The following STXBP2 variants were observed in gnomAD, a reference collection of about 807,000 sequenced individuals.
STXBP2 encodes syntaxin-binding protein 2.
STXBP2 carries 47 observed loss-of-function variants against 72.2 expected under a neutral mutation model. That is an observed-to-expected ratio of 0.65 (90% CI 0.51 to 0.83). The LOEUF (loss-of-function observed/expected upper bound fraction) is 0.83, where lower values mean the gene tolerates loss of function less well. STXBP2 is among the 40% of genes least tolerant of loss of function. The pLI is 0.00. For missense variants in STXBP2, 702 were observed against 807.6 expected, an observed-to-expected ratio of 0.87 and a Z score of 1.58; for synonymous variants, 367 against 338.7, an observed-to-expected ratio of 1.08 and a Z score of -0.92.
Position 7,646,392 on chromosome 19 carries a change from G to C in STXBP2, c.1452+48G>C, listed in dbSNP as rs1599406757. 4.6e-6 allele frequency: 7 copies of C among 1,527,702 alleles called. No individual in the cohort carries two copies. The East Asian group carries it at 1.6e-4, about 36-fold the overall frequency. 94.6% of individuals were successfully genotyped at this position (1,527,702 alleles called of 1,614,324 possible). On this transcript the variant is annotated intron_variant, in intron 16 of 18. Coordinates refer to ENST00000221283, the MANE Select transcript of STXBP2 (RefSeq NM_006949.4). The stretch of plus-strand genomic sequence containing the variant: ...GGGGGCCAGCCCTCCGCATCGGCTG[G>C]CGGCTCAGCCTCCCTCCTGCTGAGG...
chr19:7,643,303 G>A, intron 13 of STXBP2, 58 bp downstream of exon 13: 1 of 1,549,360 alleles, frequency 6.5e-7, no homozygotes, highest in Non-Finnish European at 8.8e-7. Context: ...GGGTATTGGG[G>A]AGGGGCTGAA....
At chr19:7,630,974 T>A in the STXBP2 span, 3 of 1,218,066 alleles carry the variant, frequency 2.5e-6, no homozygotes, top group Non-Finnish European at 3.5e-6. Context: ...CATGGGAGGC[T>A]GAGGTGGGTA....
In STXBP2 at chr19:7,645,949, GTCTC is replaced by G. The variant is rs1314696439; in HGVS notation, c.1357-294_1357-291del. 1.2e-5 allele frequency: 6 copies of G among 494,054 alleles called. No homozygotes were observed. The East Asian group carries it at 2.1e-4, about 17-fold the overall frequency. The allele number at this position is 494,054 out of a possible 1,614,324, so 30.6% of individuals were successfully genotyped here. A position where few individuals can be genotyped will look rare whatever the true frequency, so the allele number is the denominator to read the frequency against. On this transcript the variant is annotated intron_variant, in intron 15 of 18. Coordinates refer to ENST00000221283, the MANE Select transcript of STXBP2 (RefSeq NM_006949.4). ...CTCTCTGTTTCCTGCTTCATCTCTT[GTCTC>G]TCTCTTTGCCTTCATACTTTGTCTC...
intron 3 of STXBP2, 176 bp from the exon 4 acceptor site, chr19:7,639,555 C>A: frequency 3.0e-6 from 2 of 670,624 alleles, no homozygotes; most frequent in Non-Finnish European, 5.4e-6. Flanking sequence ...GCTGCACAAC[C>A]CCTGCAGAAC....
chr19:7,637,098 C>T (rs1418711280), upstream of STXBP2: 4 of 1,235,092 alleles, frequency 3.2e-6, no homozygotes, highest in East Asian at 9.5e-5. Context: ...CGCGGGGCCA[C>T]GCCCCCACCT....
At chr19:7,639,874 C>G (rs767343160) in intron 4 of STXBP2, 67 bp downstream of exon 4, 2 of 1,504,020 alleles carry the variant, frequency 1.3e-6, no homozygotes, top group African/African-American at 1.5e-5. Flanking sequence ...GTGTGTATGT[C>G]TGCATGCATG....
chr19:7,647,331 C>T (rs1212157729), intron 17 of STXBP2, 23 bp from the exon 18 acceptor site: 3 of 1,612,778 alleles, frequency 1.9e-6, no homozygotes, highest in Non-Finnish European at 1.7e-6. Flanking sequence ...CCTGCCTGGA[C>T]TTTCTGCCCC....
intron 12 of STXBP2, 49 bp from the exon 13 acceptor site, chr19:7,643,116 C>T (rs1302910825): frequency 1.2e-6 from 2 of 1,613,962 alleles, no homozygotes; most frequent in Admixed American, 3.3e-5. Flanking sequence ...CTGCGTTCTG[C>T]CTTGACTCAG....
intron 14 of STXBP2, 173 bp from the exon 15 acceptor site, chr19:7,645,024 C>G: frequency 4.1e-6 from 6 of 1,454,048 alleles, no homozygotes; most frequent in Non-Finnish European, 5.5e-6. Context: ...AGCCCCTGAT[C>G]TACCCCCTCC....
At position 7,645,216 on chromosome 19, in the gene STXBP2, G is replaced by A. The variant is rs1357825251; in HGVS notation, c.1266G>A (p.Leu422=). ...CCCCAGGTGTGAGTGAGGAGAACCTGGCCAAGCTGATCCAGCATGCCAATG... is the reference window on the plus strand; with the variant it reads ...CCCCAGGTGTGAGTGAGGAGAACCTAGCCAAGCTGATCCAGCATGCCAATG... The part of the protein sequence containing the change: ...LLRNGVSEEN[L]AKLIQHANVQ... The change falls in exon 15 of 19, where the codon CTG becomes CTA. Residue 422 remains leucine (L), a synonymous_variant. Coordinates refer to ENST00000221283, the MANE Select transcript of STXBP2 (RefSeq NM_006949.4). 2 of 1,567,118 alleles carry A rather than the reference G, an allele frequency of 1.3e-6. No homozygotes were observed. Among genetic ancestry groups the A allele is most frequent in the Non-Finnish European group, 1.7e-6 (2 of 1,154,924 alleles).
the STXBP2 span, chr19:7,630,580 T>C: frequency 6.5e-6 from 10 of 1,536,914 alleles, no homozygotes. Context: ...CAGATGATAA[T>C]CTACCTCACT....
chr19:7,639,968 GTA>G, intron 4 of STXBP2, 161 bp downstream of exon 4: 1 of 808,094 alleles, frequency 1.2e-6, no homozygotes, highest in Non-Finnish European at 2.0e-6. Flanking sequence ...GTGCATCTGT[GTA>G]TGCATGTGTG....
rs185118962 is a variant in STXBP2 at position 7,638,331 on chromosome 19, G to A, written c.38-395G>A. On this transcript the variant is annotated intron_variant, in intron 1 of 18. Transcript: ENST00000221283. ...GCTAAAAATAAATGATTCCTGTGCC[G>A]TGTCTCACACCTGTAATCCCAGCAC... Among the ~76,000 whole-genome samples the A allele has an allele frequency of 1.4e-3, 216 of 152,322 alleles. 5 individuals carry two copies. Among genetic ancestry groups the A allele is most frequent in the Non-Finnish European group, 3.8e-4 (26 of 68,026 alleles).
At chr19:7,644,550 C>A in intron 13 of STXBP2, 64 bp from the exon 14 acceptor site, 1 of 1,598,286 alleles carries the variant, frequency 6.3e-7, no homozygotes, top group Non-Finnish European at 8.5e-7. Flanking sequence ...TGTCCTTGGC[C>A]CGCCTCTCCC....
chr19:7,635,725 A>T (rs2031502779), upstream of STXBP2, among the ~76,000 whole-genome samples: 1 of 152,052 alleles, frequency 6.6e-6, no homozygotes, highest in African/African-American at 2.4e-5. Context: ...AAAAATGGGG[A>T]GGAGGGAGAA....
At chr19:7,646,397 T>C (rs1291203385) in intron 16 of STXBP2, 53 bp downstream of exon 16, 6 of 1,484,754 alleles carry the variant, frequency 4.0e-6, no homozygotes, top group African/African-American at 1.4e-5. Flanking sequence ...GGCTGGCGGC[T>C]CAGCCTCCCT....
chr19:7,646,472 C>T (rs772480206), intron 16 of STXBP2, 128 bp downstream of exon 16: 225 of 919,416 alleles, frequency 2.4e-4, no homozygotes, highest in Admixed American at 4.4e-4. Flanking sequence ...CCCTTGGCAC[C>T]GATCTGCTCT....
chr19:7,639,966 GTGTA>G (rs775496814), intron 4 of STXBP2, 159 bp downstream of exon 4: 4 of 803,330 alleles, frequency 5.0e-6, no homozygotes, highest in South Asian at 1.5e-5. Context: ...GTGTGCATCT[GTGTA>G]TGCATGTGTG....
At position 7,643,065 on chromosome 19, in the gene STXBP2, A is replaced by G. The variant is rs1171346483; in HGVS notation, c.1026+17A>G. On this transcript the variant is annotated intron_variant, in intron 12 of 18. Coordinates refer to ENST00000221283, the MANE Select transcript of STXBP2 (RefSeq NM_006949.4). ...CTGAATAAGGTGTGCTCGGGTGGGCAGGGAGCGGGGACACCTCGGCCCCTC... is the reference window on the plus strand; with the variant it reads ...CTGAATAAGGTGTGCTCGGGTGGGCGGGGAGCGGGGACACCTCGGCCCCTC... 6 of 1,614,070 alleles carry G rather than the reference A, an allele frequency of 3.7e-6. No individual in the cohort carries two copies. Among genetic ancestry groups the G allele is most frequent in the Admixed American group, 3.3e-5 (2 of 60,028 alleles).
Sources: gnomAD v4.1 joint callset for allele counts (sites outside exome capture counted in the v4.1 genomes callset) on GRCh38, gnomAD v4.1.1 for gene constraint, MANE v1.5 for transcripts, NCBI Gene and HGNC (gene_info 2026-07-23, HGNC 2026-07-21) for gene names.